Variants in PDAP1 observed in about 807,000 individuals in gnomAD.
PDAP1 encodes 28 kDa heat- and acid-stable phosphoprotein.
PDAP1 carries 13 observed loss-of-function variants against 28.0 expected under a neutral mutation model. The observed-to-expected ratio is 0.46, with a 90% CI of 0.30 to 0.74. PDAP1 has a LOEUF of 0.74. Among genes scored for constraint, PDAP1 ranks in the 30% least tolerant of loss-of-function variants. The pLI is 0.07. For missense variants in PDAP1, 150 were observed against 230.0 expected (o/e 0.65, Z 2.25); for synonymous variants, 77 against 85.1 (o/e 0.91, Z 0.52).
At chr7:99,406,504 GA>G in intron 1 of PDAP1, 1 of 895,670 alleles carries the variant, frequency 1.1e-6, no homozygotes, top group Non-Finnish European at 1.3e-6. Context: ...AAACAAACCT[GA>G]CTACACAGTC....
At chr7:99,403,057 C>G (rs1443518481) in intron 3 of PDAP1, among the ~76,000 whole-genome samples, 1 of 152,162 alleles carries the variant, frequency 6.6e-6, no homozygotes, top group Admixed American at 6.5e-5. Context: ...ATTCCCACCA[C>G]AGGACCTTTG....
rs927149723 is a variant in PDAP1 at position 99,395,842 on chromosome 7, G to C, written c.*840C>G. 1 of 152,452 alleles carries C rather than the reference G, an allele frequency of 6.6e-6. No individual in the cohort carries two copies. The highest frequency in any genetic ancestry group is 2.4e-5 in the African/African-American group (1 of 41,424). 9.4% of individuals were successfully genotyped at this position (152,452 alleles called of 1,614,324 possible). ...TAGGGTCCATCCCCGCATCCTGCTCGGTGCCACCTGACAGATGTCATGCCC... is the reference window on the plus strand; with the variant it reads ...TAGGGTCCATCCCCGCATCCTGCTCCGTGCCACCTGACAGATGTCATGCCC... On this transcript the variant is annotated 3_prime_UTR_variant, in exon 6 of 6. Transcript: ENST00000350498.
chr7:99,408,574 G>T lies in PDAP1; in HGVS notation c.-26C>A. On this transcript the variant is annotated 5_prime_UTR_variant, in exon 1 of 6. Transcript: ENST00000350498. Reference sequence around the variant, plus strand: ...TGCGGCTCCGGCGGCTGCGGCGGCGGCGGCGGCGCCTCGAACTGACACCGG... The same window carrying T: ...TGCGGCTCCGGCGGCTGCGGCGGCGTCGGCGGCGCCTCGAACTGACACCGG... 1 of 1,271,066 alleles carries T rather than the reference G, an allele frequency of 7.9e-7. No individual in the cohort carries two copies. 78.7% of individuals were successfully genotyped at this position (1,271,066 alleles called of 1,614,324 possible). A position where few individuals can be genotyped will look rare whatever the true frequency, so the allele number is the denominator to read the frequency against.
chr7:99,400,179 G>T, intron 4 of PDAP1, 124 bp downstream of exon 4: 1 of 1,015,940 alleles, frequency 9.8e-7, no homozygotes, highest in Non-Finnish European at 1.5e-6. Context: ...GCTACTGGAG[G>T]GCCATTGGGG....
At chr7:99,396,805 G>A (rs1794776407) in intron 5 of PDAP1, 65 bp from the exon 6 acceptor site, 1 of 1,276,394 alleles carries the variant, frequency 7.8e-7, no homozygotes, top group Non-Finnish European at 1.1e-6. Context: ...CAACACACGT[G>A]CCAGAACCCT....
In PDAP1 at chr7:99,397,924, C is replaced by T. The variant is rs1794796936; in HGVS notation, c.425G>A (p.Arg142Gln). Reference sequence around the variant, plus strand: ...CCGCTGTTTCCGGATGATGGCCAGCCGGGCCAGGTCAGCCTTGGCTTGCTC... The same window carrying T: ...CCGCTGTTTCCGGATGATGGCCAGCTGGGCCAGGTCAGCCTTGGCTTGCTC... ...KTEQAKADLA[R>Q]LAIIRKQREE... The change falls in exon 5 of 6, where the codon CGG becomes CAG. Residue 142 changes from arginine (R) to glutamine (Q), a missense_variant. By Grantham distance (43) the Arg-to-Gln change is conservative (BLOSUM62 1). Transcript: ENST00000350498. 5 of 1,614,042 alleles carry T rather than the reference C, an allele frequency of 3.1e-6. No individual in the cohort carries two copies. The highest frequency in any genetic ancestry group is 2.2e-5 in the East Asian group (1 of 44,894).
intron 1 of PDAP1, among the ~76,000 whole-genome samples, chr7:99,406,337 A>G (rs190560301): frequency 6.6e-6 from 1 of 152,328 alleles, no homozygotes; most frequent in East Asian, 1.9e-4. Context: ...TGAGCACATA[A>G]GCAATTTACT....
chr7:99,396,705 G>A lies in PDAP1; in HGVS notation c.523C>T (p.Gln175Ter). Residue 175 changes from glutamine to a stop codon, truncating the protein, a stop_gained, in exon 6 of 6, where the codon CAG (glutamine) becomes TAG (stop). Coordinates refer to ENST00000350498, the MANE Select transcript of PDAP1 (RefSeq NM_014891.7). LOFTEE classifies it high-confidence loss of function. The part of the protein sequence containing the change: ...DDATLSGKRM[Q>*]SLSLNK ...AGTTACTTATTCAGGGAGAGTGACT[G>A]CATTCGTTTTCCTGACAATGTGGCA... 6.2e-7 allele frequency: 1 copy of A among 1,611,946 alleles called. No individual in the cohort carries two copies. The highest frequency in any genetic ancestry group is 8.5e-7 in the Non-Finnish European group (1 of 1,179,732).
chr7:99,408,517 A>T lies in PDAP1; in HGVS notation c.13+19T>A, dbSNP rs1795032724. On this transcript the variant is annotated intron_variant, in intron 1 of 5. Coordinates refer to ENST00000350498, the MANE Select transcript of PDAP1 (RefSeq NM_014891.7). ...GGCCGCCCCTCCAGGCCTGCGGGCCACCGGCGCCCGCCCCTCACCTCCTTT... is the reference window on the plus strand; with the variant it reads ...GGCCGCCCCTCCAGGCCTGCGGGCCTCCGGCGCCCGCCCCTCACCTCCTTT... 8 of 1,321,378 alleles carry T rather than the reference A, an allele frequency of 6.1e-6. No homozygotes were observed. The highest frequency in any genetic ancestry group is 7.7e-6 in the Non-Finnish European group (8 of 1,034,222). The allele number at this position is 1,321,378 out of a possible 1,614,324, so 81.9% of individuals were successfully genotyped here.
intron 1 of PDAP1, chr7:99,406,609 C>A: frequency 1.0e-6 from 1 of 985,386 alleles, no homozygotes; most frequent in African/African-American, 1.7e-5. Flanking sequence ...CTTAAGCCAT[C>A]AGCCAGTTTT....
chr7:99,397,777 C>A (rs576287286), intron 5 of PDAP1, 85 bp downstream of exon 5: 12 of 1,521,016 alleles, frequency 7.9e-6, no homozygotes, highest in Non-Finnish European at 1.1e-5. Flanking sequence ...TGTCACCTCG[C>A]GGACAGGGAC....
At position 99,408,549 on chromosome 7, in the gene PDAP1, T is replaced by TGCGGCTCCG. The variant is rs1306304402; in HGVS notation, c.-10_-2dup. The TGCGGCTCCG allele has an allele frequency of 2.3e-5, 29 of 1,280,982 alleles. No homozygotes were observed. The highest frequency in any genetic ancestry group is 4.9e-5 in the South Asian group (2 of 40,678). The allele number at this position is 1,280,982 out of a possible 1,614,324, so 79.4% of individuals were successfully genotyped here. ...CCCGCCCCTCACCTCCTTTAGGCAT[T>TGCGGCTCCG]GCGGCTCCGGCGGCTGCGGCGGCGG... On this transcript the variant is annotated 5_prime_UTR_variant, in exon 1 of 6. Coordinates refer to ENST00000350498, the MANE Select transcript of PDAP1 (RefSeq NM_014891.7).
chr7:99,407,844 G>T (rs761920554), intron 1 of PDAP1, among the ~76,000 whole-genome samples: 5 of 152,326 alleles, frequency 3.3e-5, no homozygotes, highest in East Asian at 1.9e-4. Context: ...CTACTTACAA[G>T]ATCAAGAGCT....
rs974300749 is a variant in PDAP1, at chr7:99,396,482, T to C, written c.*200A>G. On this transcript the variant is annotated 3_prime_UTR_variant, in exon 6 of 6. Transcript: ENST00000350498. ...GTCCTGCATCTTTCTGTCTCAAAGATAGCAGCTACCCCTCCCCCAGTCCCC... is the reference window on the plus strand; with the variant it reads ...GTCCTGCATCTTTCTGTCTCAAAGACAGCAGCTACCCCTCCCCCAGTCCCC... The C allele has an allele frequency of 1.8e-5, 11 of 608,174 alleles. No homozygotes were observed. Among genetic ancestry groups the C allele is most frequent in the African/African-American group, 1.8e-4 (9 of 51,128 alleles). The allele number at this position is 608,174 out of a possible 1,614,324, so 37.7% of individuals were successfully genotyped here.
At chr7:99,402,573 CAAAAAAAAA>C (rs58448407) in intron 3 of PDAP1, among the ~76,000 whole-genome samples, 1 of 56,680 alleles carries the variant, frequency 1.8e-5, no homozygotes. Context: ...GACCCTGTCT[CAAAAAAAAA>C]AAAAAAAAAA....
intron 5 of PDAP1, 25 bp downstream of exon 5, chr7:99,397,837 C>T: frequency 6.2e-7 from 1 of 1,609,298 alleles, no homozygotes; most frequent in Non-Finnish European, 8.5e-7. Context: ...GGGGCCTGTC[C>T]CTGCGTGCGC....
chr7:99,400,432 A>G lies in PDAP1; in HGVS notation c.214-8T>C, dbSNP rs781397677. The G allele has an allele frequency of 1.9e-6, 3 of 1,614,042 alleles. No individual in the cohort carries two copies. In the South Asian group the frequency reaches 3.3e-5, roughly 18 times the overall value. On this transcript the variant is annotated splice_polypyrimidine_tract_variant and splice_region_variant and intron_variant, in intron 3 of 5. Coordinates refer to ENST00000350498, the MANE Select transcript of PDAP1 (RefSeq NM_014891.7). ...AACGCCTTTGCGCTTTTGCTAGAAC[A>G]GGGCAAGAAGCTGGTTGTTGGAGTT...
At chr7:99,405,087 A>T (rs1584422629) in intron 1 of PDAP1, 134 bp from the exon 2 acceptor site, 1 of 611,514 alleles carries the variant, frequency 1.6e-6, no homozygotes, top group East Asian at 2.8e-5. Flanking sequence ...CCAAACCGAC[A>T]CCTCCGCCAC....
In PDAP1 at chr7:99,397,944, T is replaced by C; in HGVS notation, c.405A>G (p.Gln135=). ...MKMHLAGKTE[Q]AKADLARLAI... is the part of the protein sequence containing the mutation. Reference sequence around the variant, plus strand: ...CCAGCCGGGCCAGGTCAGCCTTGGCTTGCTCTGTCTTCCCGGCCAAGTGCA... The same window carrying C: ...CCAGCCGGGCCAGGTCAGCCTTGGCCTGCTCTGTCTTCCCGGCCAAGTGCA... The change falls in exon 5 of 6, where the codon CAA becomes CAG. Residue 135 remains glutamine, a synonymous_variant. Transcript: ENST00000350498. 6.2e-7 allele frequency: 1 copy of C among 1,614,246 alleles called. No homozygotes were observed. The highest frequency in any genetic ancestry group is 8.5e-7 in the Non-Finnish European group (1 of 1,180,046).
Sources: gnomAD v4.1 joint callset for allele counts (sites outside exome capture counted in the v4.1 genomes callset) on GRCh38, gnomAD v4.1.1 for gene constraint, MANE v1.5 for transcripts, NCBI Gene and HGNC (gene_info 2026-07-23, HGNC 2026-07-21) for gene names.